The following NUP85 variants were observed in gnomAD, a reference collection of about 807,000 sequenced individuals.
The protein encoded by NUP85 is nucleoporin 85, also known as nuclear pore complex protein Nup85.
A neutral mutation model predicts 92.8 loss-of-function variants in NUP85; 23 were observed. The observed-to-expected ratio is 0.25, with a 90% CI of 0.18 to 0.35. The LOEUF is 0.35. NUP85 is among the 10% of genes least tolerant of loss of function. The pLI is 1.00. For synonymous variants in NUP85, 314 were observed against 306.9 expected (o/e 1.02, Z -0.24); for missense variants, 759 against 822.8 (o/e 0.92, Z 0.95).
chr17:75,234,956 T>G, intron 17 of NUP85, 144 bp from the exon 18 acceptor site: 1 of 1,057,936 alleles, frequency 9.5e-7, no homozygotes, highest in Admixed American at 1.8e-5. Flanking sequence ...AAACAAACAC[T>G]GCTTGATTTG....
intron 14 of NUP85, 66 bp downstream of exon 14, chr17:75,232,045 AC>A: frequency 6.4e-7 from 1 of 1,559,682 alleles, no homozygotes; most frequent in Middle Eastern, 2.0e-4. Context: ...CTGAGGTCAC[AC>A]TTTATGCCTA....
chr17:75,209,830 A>T lies in NUP85; in HGVS notation c.135A>T (p.Ser45=). ...TTTTCTGTTTGGTTTCAGAAAAATC[A>T]GAGATGGTGCCAAGTTGCCCCTTTA... ...CETSFNKKEK[S]EMVPSCPFIY... Residue 45 remains serine (S), a synonymous_variant, in exon 3 of 19, where the codon TCA becomes TCT. Transcript: ENST00000245544. 6.3e-7 allele frequency: 1 copy of T among 1,576,846 alleles called. No homozygotes were observed. Among genetic ancestry groups the T allele is most frequent in the Non-Finnish European group, 8.5e-7 (1 of 1,169,658 alleles).
chr17:75,207,374 G>A (rs984612645), intron 1 of NUP85, among the ~76,000 whole-genome samples: 6 of 151,790 alleles, frequency 4.0e-5, no homozygotes, highest in Admixed American at 6.6e-5. Flanking sequence ...TAGTAGAGAC[G>A]AGGTTTCTCC....
rs769846538 is a variant in NUP85, at chr17:75,233,174, T to C, written c.1615+16T>C. On this transcript the variant is annotated intron_variant, in intron 16 of 18. Transcript: ENST00000245544. ...ACATTCCTGGGTGAGTCTCTGGGTT[T>C]TGTGCCCTGTGCTTTGGGCACAAGT... The C allele has an allele frequency of 1.2e-6, 2 of 1,611,266 alleles. No homozygotes were observed. Among genetic ancestry groups the C allele is most frequent in the Non-Finnish European group, 1.7e-6 (2 of 1,177,872 alleles).
chr17:75,222,052 T>C (rs1263382465), intron 7 of NUP85, among the ~76,000 whole-genome samples: 1 of 152,016 alleles, frequency 6.6e-6, no homozygotes, highest in Non-Finnish European at 1.5e-5. Context: ...TTTGTTTGTT[T>C]GTTTGTTTGT....
At chr17:75,220,733 C>T (rs1025160746) in intron 7 of NUP85, among the ~76,000 whole-genome samples, 4 of 151,540 alleles carry the variant, frequency 2.6e-5, no homozygotes, top group African/African-American at 7.3e-5. Flanking sequence ...TATAGGTATA[C>T]GCCATGATGC....
At position 75,231,228 on chromosome 17, in the gene NUP85, G is replaced by C. The variant is rs1006946809; in HGVS notation, c.1095-112G>C. 5 of 999,202 alleles carry C rather than the reference G, an allele frequency of 5.0e-6. No homozygotes were observed. Among genetic ancestry groups the C allele is most frequent in the African/African-American group, 3.2e-5 (2 of 63,168 alleles). The allele number at this position is 999,202 out of a possible 1,614,324, so 61.9% of individuals were successfully genotyped here. A position where few individuals can be genotyped will look rare whatever the true frequency, so the allele number is the denominator to read the frequency against. Reference sequence around the variant, plus strand: ...ACGGGCATGAGCTATCATCACGCCCGGCCCCATCTCTTTGAGGGACAGGAC... The same window carrying C: ...ACGGGCATGAGCTATCATCACGCCCCGCCCCATCTCTTTGAGGGACAGGAC... On this transcript the variant is annotated intron_variant, in intron 11 of 18. Transcript: ENST00000245544. The surrounding 1 kb of genome is among the most constrained non-coding windows in gnomAD (Gnocchi z 4.6).
rs144615691 is a variant in NUP85 at position 75,219,561 on chromosome 17, A to G, written c.597+1255A>G. Among the ~76,000 whole-genome samples the G allele has an allele frequency of 8.5e-5, 13 of 152,336 alleles. No homozygotes were observed. The East Asian group carries it at 2.5e-3, about 29-fold the overall frequency. On this transcript the variant is annotated intron_variant, in intron 7 of 18. Transcript: ENST00000245544. ...AGTGTTGGAACTGCAAGTGTGAGCC[A>G]CCATTCCTGGTCATTCACTGAGTAT...
chr17:75,228,104 A>G (rs2075894002), intron 11 of NUP85: 1 of 722,054 alleles, frequency 1.4e-6, no homozygotes, highest in Non-Finnish European at 1.7e-6. Flanking sequence ...TTCCTGTGTT[A>G]TAACAGTGAG....
chr17:75,208,512 G>T lies in NUP85; in HGVS notation c.34-15G>T. 1.5e-6 allele frequency: 2 copies of T among 1,316,042 alleles called. No individual in the cohort carries two copies. Among genetic ancestry groups the T allele is most frequent in the South Asian group, 1.2e-5 (1 of 82,778 alleles). 81.5% of individuals were successfully genotyped at this position (1,316,042 alleles called of 1,614,324 possible). A position where few individuals can be genotyped will look rare whatever the true frequency, so the allele number is the denominator to read the frequency against. ...AACATTTTTCATTTTAGATTTCTATGCCTTATTTTACTAGTTGATTCCAGG... is the reference window on the plus strand; with the variant it reads ...AACATTTTTCATTTTAGATTTCTATTCCTTATTTTACTAGTTGATTCCAGG... On this transcript the variant is annotated splice_polypyrimidine_tract_variant and intron_variant, in intron 1 of 18. Transcript: ENST00000245544.
rs565848769 is a variant in NUP85 at position 75,229,263 on chromosome 17, A to G, written c.1095-2077A>G. On this transcript the variant is annotated intron_variant, in intron 11 of 18. Transcript: ENST00000245544. ...GTGCAGCAGTGTTTACAAACCTCACACCCCATTTCCAGAATAGCAGGTAGA... is the reference window on the plus strand; with the variant it reads ...GTGCAGCAGTGTTTACAAACCTCACGCCCCATTTCCAGAATAGCAGGTAGA... 1,336 of 630,132 alleles carry G rather than the reference A, an allele frequency of 2.1e-3. 4 individuals carry two copies. Among genetic ancestry groups the G allele is most frequent in the Middle Eastern group, 6.5e-3 (8 of 1,240 alleles). 39.0% of individuals were successfully genotyped at this position (630,132 alleles called of 1,614,324 possible).
In NUP85 at chr17:75,232,913, C is replaced by T; in HGVS notation, c.1459C>T (p.Leu487Phe). 1 of 1,614,218 alleles carries T rather than the reference C, an allele frequency of 6.2e-7. No individual in the cohort carries two copies. Among genetic ancestry groups the T allele is most frequent in the Non-Finnish European group, 8.5e-7 (1 of 1,180,046 alleles). ...AVRNNRLGSA[L>F]SWSIRAKDAA... Reference sequence around the variant, plus strand: ...CCGCAACAATCGCCTGGGTTCTGCCCTCTCTTGGAGCATCCGTGCTAAGGA... The same window carrying T: ...CCGCAACAATCGCCTGGGTTCTGCCTTCTCTTGGAGCATCCGTGCTAAGGA... Residue 487 changes from leucine (L) to phenylalanine (F), a missense_variant, in exon 15 of 19, where the codon CTC (leucine) becomes TTC (phenylalanine). Coordinates refer to ENST00000245544, the MANE Select transcript of NUP85 (RefSeq NM_024844.5).
At position 75,209,811 on chromosome 17, in the gene NUP85, G is replaced by C; in HGVS notation, c.128-12G>C. On this transcript the variant is annotated splice_polypyrimidine_tract_variant and intron_variant, in intron 2 of 18. Transcript: ENST00000245544. Reference sequence around the variant, plus strand: ...AATAGATGTTAAATTTTTTTTTTCTGTTTGGTTTCAGAAAAATCAGAGATG... The same window carrying C: ...AATAGATGTTAAATTTTTTTTTTCTCTTTGGTTTCAGAAAAATCAGAGATG... 1.3e-6 allele frequency: 2 copies of C among 1,565,898 alleles called. No individual in the cohort carries two copies. Among genetic ancestry groups the C allele is most frequent in the Non-Finnish European group, 1.7e-6 (2 of 1,165,636 alleles).
At chr17:75,217,024 T>C (rs2075451152) in intron 6 of NUP85, among the ~76,000 whole-genome samples, 1 of 152,008 alleles carries the variant, frequency 6.6e-6, no homozygotes, top group Non-Finnish European at 1.5e-5. Context: ...TAGCTGGGAC[T>C]ACAGGCACGT....
At position 75,235,651 on chromosome 17, in the gene NUP85, T is replaced by C. The variant is rs2076305692; in HGVS notation, c.1943T>C (p.Ile648Thr). 4 of 1,614,028 alleles carry C rather than the reference T, an allele frequency of 2.5e-6. No homozygotes were observed. Among genetic ancestry groups the C allele is most frequent in the East Asian group, 2.2e-5 (1 of 44,882 alleles). Residue 648 changes from isoleucine to threonine, a missense_variant, in exon 19 of 19, where the codon ATA (isoleucine) becomes ACA (threonine). Coordinates refer to ENST00000245544, the MANE Select transcript of NUP85 (RefSeq NM_024844.5). ...GCACGAAATCTTGCTCGGGCAATTA[T>C]AAGAGAAGGCTCACTGGAAGGTTCC... ...SLARNLARAI[I>T]REGSLEGS
chr17:75,225,587 C>T (rs1476477595), intron 9 of NUP85, 111 bp from the exon 10 acceptor site: 24 of 1,570,088 alleles, frequency 1.5e-5, no homozygotes, highest in South Asian at 7.2e-5. Flanking sequence ...GCCGTGATGG[C>T]GAGAGCTTTC....
Position 75,234,744 on chromosome 17 carries a change from A to T in NUP85, c.1723A>T (p.Met575Leu). 1 of 1,614,192 alleles carries T rather than the reference A, an allele frequency of 6.2e-7. No homozygotes were observed. Among genetic ancestry groups the T allele is most frequent in the African/African-American group, 1.3e-5 (1 of 75,050 alleles). The part of the protein sequence containing the change: ...TSRIAPRSFW[M>L]TLLTDALPLL... The stretch of plus-strand genomic sequence containing the variant: ...TCGGATTGCCCCTCGGTCTTTCTGG[A>T]TGACTCTGCTGACAGACGCCTTGCC... Residue 575 changes from methionine (M) to leucine (L), a missense_variant, in exon 17 of 19, where the codon ATG (methionine) becomes TTG (leucine). Coordinates refer to ENST00000245544, the MANE Select transcript of NUP85 (RefSeq NM_024844.5).
chr17:75,222,571 G>C (rs1292790882), intron 7 of NUP85, among the ~76,000 whole-genome samples: 1 of 137,326 alleles, frequency 7.3e-6, no homozygotes, highest in African/African-American at 2.8e-5. Flanking sequence ...GCAGTGCCTT[G>C]AATACTGAAT....
intron 1 of NUP85, among the ~76,000 whole-genome samples, chr17:75,206,341 T>C (rs183911947): frequency 2.6e-5 from 4 of 152,272 alleles, no homozygotes; most frequent in African/African-American, 4.8e-5. Flanking sequence ...CTACCGTTTC[T>C]GCTAGTTGGA....
Sources: gnomAD v4.1 joint callset for allele counts (sites outside exome capture counted in the v4.1 genomes callset) on GRCh38, gnomAD v4.1.1 for gene constraint, Gnocchi (gnomAD v3.1) non-coding constraint, MANE v1.5 for transcripts, NCBI Gene and HGNC (gene_info 2026-07-23, HGNC 2026-07-21) for gene names.